The following GRIP2 variants were observed in gnomAD, a reference collection of about 807,000 sequenced individuals.
GRIP2 encodes glutamate receptor-interacting protein 2.
Under a neutral mutation model 108.3 loss-of-function variants are expected in GRIP2, and 58 were observed. That is an observed-to-expected ratio of 0.54 (90% CI 0.43 to 0.67). The LOEUF (loss-of-function observed/expected upper bound fraction) is 0.67, where lower values mean the gene tolerates loss of function less well. GRIP2 is among the 30% of genes least tolerant of loss of function. The probability of loss-of-function intolerance (pLI) is 0.00; values close to 1 mark genes in which losing one functional copy is unlikely to be tolerated. For missense variants in GRIP2, 1,278 were observed against 1,430.6 expected (o/e 0.89, Z 1.72); for synonymous variants, 586 against 598.2 (o/e 0.98, Z 0.30).
chr3:14,502,519 G>A (rs995500857), intron 21 of GRIP2, among the ~76,000 whole-genome samples: 37 of 151,066 alleles, frequency 2.4e-4, no homozygotes, highest in Admixed American at 1.9e-3. Context: ...GAGAGAGAGA[G>A]AAAATAACCA....
chr3:14,577,926 A>G, the GRIP2 span, among the ~76,000 whole-genome samples: 1 of 152,208 alleles, frequency 6.6e-6, no homozygotes, highest in Non-Finnish European at 1.5e-5. Flanking sequence ...TTCACTTGCA[A>G]CAGAACAGTG....
rs370551057 is a variant in GRIP2 at position 14,517,066 on chromosome 3, G to A, written c.1304C>T (p.Ser435Leu). ...GGAGGGAAGAGACCACAGCTTACAC[G>A]AGCTCTTGTGTTCCCTTCTTCGCTG... ...RRQRRREHKS[S>L]LSLASSTVGP... is the part of the protein sequence containing the mutation. Residue 435 changes from serine to leucine, a missense_variant and splice_region_variant, in exon 11 of 24, where the codon TCG becomes TTG. By Grantham distance (145) the Ser-to-Leu change is moderately radical (BLOSUM62 -2). Transcript: ENST00000621039. 4.3e-5 allele frequency: 67 copies of A among 1,560,426 alleles called. No homozygotes were observed. The highest frequency in any genetic ancestry group is 4.7e-5 in the Non-Finnish European group (54 of 1,154,032).
chr3:14,503,730 C>T, intron 20 of GRIP2, 59 bp from the exon 21 acceptor site: 1 of 739,680 alleles, frequency 1.4e-6, no homozygotes, highest in Non-Finnish European at 1.9e-6. Context: ...GGGCTGGGGC[C>T]TGAGGAGTCT....
At chr3:14,557,106 T>TC (rs1441451662), upstream of GRIP2, among the ~76,000 whole-genome samples, 13 of 152,124 alleles carry the variant, frequency 8.5e-5, no homozygotes, top group Non-Finnish European at 1.3e-4. Flanking sequence ...GTCGGAGGGT[T>TC]CCCCCACATG....
chr3:14,574,526 C>A, the GRIP2 span: 1 of 742,898 alleles, frequency 1.3e-6, no homozygotes, highest in Non-Finnish European at 2.5e-6. Context: ...ACTCCTGCTC[C>A]GGTGCCTTCT....
At chr3:14,515,211 ACAC>A (rs1694216036) in intron 11 of GRIP2, among the ~76,000 whole-genome samples, 1 of 152,244 alleles carries the variant, frequency 6.6e-6, no homozygotes, top group East Asian at 1.9e-4. Flanking sequence ...TTGTATGGAT[ACAC>A]CACATTTTGT....
At chr3:14,541,451 G>A (rs1427776946), upstream of GRIP2, among the ~76,000 whole-genome samples, 1 of 152,216 alleles carries the variant, frequency 6.6e-6, no homozygotes, top group Non-Finnish European at 1.5e-5. Context: ...TAGTGGGAGA[G>A]GGCTGCCCGG....
intron 1 of GRIP2, among the ~76,000 whole-genome samples, chr3:14,529,966 A>G (rs1694666122): frequency 6.6e-6 from 1 of 152,212 alleles, no homozygotes; most frequent in Non-Finnish European, 1.5e-5. Flanking sequence ...GGTATTTACA[A>G]CACTCATTAG....
At chr3:14,532,701 G>C (rs1339040049) in intron 1 of GRIP2, among the ~76,000 whole-genome samples, 2 of 152,056 alleles carry the variant, frequency 1.3e-5, no homozygotes, top group Non-Finnish European at 2.9e-5. Context: ...GCCAGGCTCA[G>C]CCTGAGTTAA....
the GRIP2 span, among the ~76,000 whole-genome samples, chr3:14,591,369 AG>A: frequency 6.6e-6 from 1 of 152,198 alleles, no homozygotes; most frequent in Non-Finnish European, 1.5e-5. Flanking sequence ...TTGGCTTGGC[AG>A]AAAGACATTC....
chr3:14,579,487 G>C, the GRIP2 span, among the ~76,000 whole-genome samples: 1 of 152,148 alleles, frequency 6.6e-6, no homozygotes, highest in African/African-American at 2.4e-5. Context: ...CGGATGGGAG[G>C]ACGGGCATGT....
At chr3:14,544,523 C>T (rs748991394), upstream of GRIP2, among the ~76,000 whole-genome samples, 62 of 152,138 alleles carry the variant, frequency 4.1e-4, no homozygotes, top group Non-Finnish European at 6.9e-4. Context: ...GGGCTGAGTC[C>T]GTCATAACAC....
chr3:14,590,571 A>T, the GRIP2 span, among the ~76,000 whole-genome samples: 1 of 152,198 alleles, frequency 6.6e-6, no homozygotes, highest in Non-Finnish European at 1.5e-5. Flanking sequence ...TGCTGAGCAA[A>T]TGCTCCTAAC....
chr3:14,518,909 T>C (rs1195681632), intron 9 of GRIP2, among the ~76,000 whole-genome samples: 2 of 152,200 alleles, frequency 1.3e-5, no homozygotes, highest in Non-Finnish European at 2.9e-5. Context: ...GTTAATAATA[T>C]AACATGCTTA....
At chr3:14,569,970 A>G in the GRIP2 span, among the ~76,000 whole-genome samples, 6 of 152,278 alleles carry the variant, frequency 3.9e-5, no homozygotes, top group East Asian at 1.2e-3. Flanking sequence ...CCAATTTTAC[A>G]GTGGAGGAAA....
chr3:14,565,947 C>G, the GRIP2 span, among the ~76,000 whole-genome samples: 37 of 152,332 alleles, frequency 2.4e-4, no homozygotes, highest in East Asian at 7.2e-3. Flanking sequence ...ACAGTTCACT[C>G]ATAGCTTGCT....
intron 1 of GRIP2, 181 bp from the exon 2 acceptor site, chr3:14,526,112 T>C (rs1694547801): frequency 6.3e-6 from 4 of 631,894 alleles, no homozygotes; most frequent in South Asian, 3.7e-5. Flanking sequence ...AAAGAAAGCC[T>C]GGCCCCTGCT....
intron 1 of GRIP2, among the ~76,000 whole-genome samples, chr3:14,531,451 C>T (rs993404314): frequency 6.6e-6 from 1 of 152,250 alleles, no homozygotes; most frequent in African/African-American, 2.4e-5. Flanking sequence ...CCTCCTTTTG[C>T]ACATGCCTCA....
intron 17 of GRIP2, among the ~76,000 whole-genome samples, chr3:14,508,088 A>G (rs1237028088): frequency 1.3e-5 from 2 of 152,220 alleles, no homozygotes; most frequent in African/African-American, 4.8e-5. Flanking sequence ...ATCAAATCAT[A>G]ACTGAGGCGT....
Sources: gnomAD v4.1 joint callset for allele counts (sites outside exome capture counted in the v4.1 genomes callset) on GRCh38, gnomAD v4.1.1 for gene constraint, MANE v1.5 for transcripts, NCBI Gene and HGNC (gene_info 2026-07-23, HGNC 2026-07-21) for gene names.